Variants in PPP2R5E observed in about 807,000 individuals in gnomAD.
PPP2R5E encodes serine/threonine-protein phosphatase 2A 56 kDa regulatory subunit epsilon isoform.
In PPP2R5E, 4 loss-of-function variants were observed where a neutral mutation model predicts 65.3. That is an observed-to-expected ratio of 0.06 (90% CI 0.03 to 0.14). The LOEUF (loss-of-function observed/expected upper bound fraction) is 0.14, where lower values mean the gene tolerates loss of function less well. Ranked by LOEUF, PPP2R5E falls within the 10% of genes least tolerant of loss-of-function variation. The pLI, the probability that PPP2R5E is intolerant of heterozygous loss-of-function variation, is 1.00. For synonymous variants in PPP2R5E, 183 were observed against 187.4 expected, an observed-to-expected ratio of 0.98 and a Z score of 0.19; for missense variants, 274 against 556.1, an observed-to-expected ratio of 0.49 and a Z score of 5.10.
intron 3 of PPP2R5E, among the ~76,000 whole-genome samples, chr14:63,449,112 A>G (rs1461201805): frequency 1.3e-5 from 2 of 152,252 alleles, no homozygotes; most frequent in Non-Finnish European, 2.9e-5. Flanking sequence ...TGCAAAACCC[A>G]TCTATCACTT....
chr14:63,421,052 C>CAAAAAAAAA lies in PPP2R5E; in HGVS notation c.456+932_456+940dup, dbSNP rs56297942. 3.9e-4 allele frequency among the ~76,000 whole-genome samples: 4 copies of CAAAAAAAAA among 10,294 alleles called. 2 individuals are homozygous for CAAAAAAAAA. Among genetic ancestry groups the CAAAAAAAAA allele is most frequent in the African/African-American group, 1.2e-3 (2 of 1,730 alleles). The allele number at this position is 10,294 out of a possible 152,430, so 6.8% of individuals were successfully genotyped here. A position where few individuals can be genotyped will look rare whatever the true frequency, so the allele number is the denominator to read the frequency against. On this transcript the variant is annotated intron_variant, in intron 4 of 13. Coordinates refer to ENST00000337537, the MANE Select transcript of PPP2R5E (RefSeq NM_006246.5). ...TGGGCGACAGAGCGAGACTCCGTCT[C>CAAAAAAAAA]AAAAAAAAAAAAAAAAAAAAAAAAA...
intron 3 of PPP2R5E, among the ~76,000 whole-genome samples, chr14:63,448,024 G>A (rs375644127): frequency 4.2e-4 from 64 of 152,306 alleles, no homozygotes; most frequent in Non-Finnish European, 6.9e-4. Flanking sequence ...CAGGTCGGGC[G>A]CGGTGGCTCA....
chr14:63,486,124 T>C (rs1316708238), intron 2 of PPP2R5E, among the ~76,000 whole-genome samples: 2 of 152,066 alleles, frequency 1.3e-5, no homozygotes, highest in Non-Finnish European at 2.9e-5. Flanking sequence ...GCCACTGCAC[T>C]GGCCGACAAC....
At chr14:63,526,075 G>A (rs1440318628) in intron 2 of PPP2R5E, among the ~76,000 whole-genome samples, 1 of 152,010 alleles carries the variant, frequency 6.6e-6, no homozygotes, top group Non-Finnish European at 1.5e-5. Flanking sequence ...GGCCAGGCTG[G>A]TCTCGAACTC....
intron 2 of PPP2R5E, among the ~76,000 whole-genome samples, chr14:63,454,404 T>C (rs74060102): frequency 0.017 from 2,613 of 152,308 alleles, 75 homozygotes; most frequent in African/African-American, 0.06. Flanking sequence ...GAAGTTTCTT[T>C]CTGAAAGAAA....
chr14:63,523,662 C>A (rs1893066124), intron 2 of PPP2R5E, among the ~76,000 whole-genome samples: 1 of 151,166 alleles, frequency 6.6e-6, no homozygotes, highest in African/African-American at 2.4e-5. Context: ...GTCCCGTGAC[C>A]CTGCCAAATC....
chr14:63,431,201 G>A (rs1396998113), intron 3 of PPP2R5E, among the ~76,000 whole-genome samples: 2 of 151,844 alleles, frequency 1.3e-5, no homozygotes, highest in African/African-American at 4.8e-5. Context: ...CCAGGAGGCA[G>A]CGGTTGCAGT....
chr14:63,512,316 A>T (rs1054908166), intron 2 of PPP2R5E, among the ~76,000 whole-genome samples: 1 of 152,182 alleles, frequency 6.6e-6, no homozygotes, highest in Non-Finnish European at 1.5e-5. Flanking sequence ...CTTAGCAGAT[A>T]CAGATAGATG....
intron 3 of PPP2R5E, among the ~76,000 whole-genome samples, chr14:63,426,579 T>G (rs112043158): frequency 6.6e-6 from 1 of 151,532 alleles, no homozygotes; most frequent in Non-Finnish European, 1.5e-5. Flanking sequence ...GTTAAAGATA[T>G]ACACTGTGAG....
intron 13 of PPP2R5E, among the ~76,000 whole-genome samples, chr14:63,378,568 T>C (rs1213638396): frequency 1.3e-5 from 2 of 152,222 alleles, no homozygotes; most frequent in Non-Finnish European, 2.9e-5. Flanking sequence ...TATGCTCAGT[T>C]ATCACACGGC....
At chr14:63,475,841 CA>C (rs1890387261) in intron 2 of PPP2R5E, among the ~76,000 whole-genome samples, 1 of 151,872 alleles carries the variant, frequency 6.6e-6, no homozygotes. Flanking sequence ...AGTTTCCATC[CA>C]AAAATATTCA....
At chr14:63,415,286 C>A (rs2139862193) in intron 4 of PPP2R5E, 54 bp from the exon 5 acceptor site, 1 of 1,285,596 alleles carries the variant, frequency 7.8e-7, no homozygotes, top group Non-Finnish European at 1.1e-6. Context: ...GAGAACAGTA[C>A]TAAAAACCAC....
intron 2 of PPP2R5E, among the ~76,000 whole-genome samples, chr14:63,497,755 C>A (rs2015879): frequency 0.29 from 43,299 of 150,486 alleles, 8,690 homozygotes; most frequent in African/African-American, 0.58. Flanking sequence ...CTCAAAAAAA[C>A]AAACAAACAA....
chr14:63,520,122 G>A (rs201737598), intron 2 of PPP2R5E, among the ~76,000 whole-genome samples: 2 of 152,048 alleles, frequency 1.3e-5, no homozygotes, highest in East Asian at 1.9e-4. Flanking sequence ...TGCAAACTCC[G>A]CCTCCCGGGT....
At chr14:63,384,618 G>T in intron 11 of PPP2R5E, 47 bp from the exon 12 acceptor site, 2 of 1,484,086 alleles carry the variant, frequency 1.3e-6, no homozygotes, top group Non-Finnish European at 1.8e-6. Context: ...AAAAGACAAA[G>T]ATAAAACAAA....
intron 2 of PPP2R5E, among the ~76,000 whole-genome samples, chr14:63,460,422 T>C (rs920238659): frequency 6.6e-6 from 1 of 152,218 alleles, no homozygotes; most frequent in Non-Finnish European, 1.5e-5. Context: ...GTGATGATCA[T>C]GCTAAATAAC....
intron 2 of PPP2R5E, among the ~76,000 whole-genome samples, chr14:63,533,328 G>A (rs113784170): frequency 9.3e-5 from 14 of 150,634 alleles, no homozygotes; most frequent in East Asian, 2.0e-4. Context: ...TTGGGAAGCC[G>A]AGGCAGGCAG....
Position 63,483,160 on chromosome 14 carries a change from A to AT in PPP2R5E, c.158-29276dup, listed in dbSNP as rs550042249. The stretch of plus-strand genomic sequence containing the variant: ...TCTGTACTTTAAAAATATAAATAAA[A>AT]TTTTTTTTAAAAAATCATACAGTAT... On this transcript the variant is annotated intron_variant, in intron 2 of 13. Transcript: ENST00000337537. Among the ~76,000 whole-genome samples, 162 of 152,224 alleles carry AT rather than the reference A, an allele frequency of 1.1e-3. 1 individual carries two copies. Among genetic ancestry groups the AT allele is most frequent in the Non-Finnish European group, 2.1e-3 (144 of 68,024 alleles).
At position 63,395,358 on chromosome 14, in the gene PPP2R5E, G is replaced by A. The variant is rs1291143868; in HGVS notation, c.681-73C>T. On this transcript the variant is annotated intron_variant, in intron 6 of 13. Coordinates refer to ENST00000337537, the MANE Select transcript of PPP2R5E (RefSeq NM_006246.5). ...GAAGGAAGGGATAAAAAGAGGAGGA[G>A]GAGGAGGAGAAGGGGGAGGAGGAGG... 8 of 1,015,726 alleles carry A rather than the reference G, an allele frequency of 7.9e-6. No individual in the cohort carries two copies. The African/African-American group carries it at 1.1e-4, about 14-fold the overall frequency. 62.9% of individuals were successfully genotyped at this position (1,015,726 alleles called of 1,614,324 possible).
Sources: gnomAD v4.1 joint callset for allele counts (sites outside exome capture counted in the v4.1 genomes callset) on GRCh38, gnomAD v4.1.1 for gene constraint, MANE v1.5 for transcripts, NCBI Gene and HGNC (gene_info 2026-07-23, HGNC 2026-07-21) for gene names.